The following GRIN2D variants were observed in gnomAD, a reference collection of about 807,000 sequenced individuals.
The protein encoded by GRIN2D is glutamate receptor ionotropic, NMDA 2D.
GRIN2D carries 37 observed loss-of-function variants against 103.2 expected under a neutral mutation model. The ratio of observed to expected loss-of-function variants is 0.36; its 90% confidence interval spans 0.28 to 0.47. The LOEUF (loss-of-function observed/expected upper bound fraction) is 0.47. Among genes scored for constraint, GRIN2D ranks in the 20% least tolerant of loss-of-function variants. The probability of loss-of-function intolerance (pLI) is 1.00; values close to 1 mark genes in which losing one functional copy is unlikely to be tolerated. For synonymous variants in GRIN2D, 845 were observed against 885.6 expected (o/e 0.95, Z 0.81); for missense variants, 1,557 against 1,910.6 (o/e 0.81, Z 3.45).
chr19:48,412,586 G>A (rs941845287), intron 4 of GRIN2D, among the ~76,000 whole-genome samples: 11 of 150,150 alleles, frequency 7.3e-5, no homozygotes, highest in African/African-American at 2.5e-4. Flanking sequence ...TCATGAGTTC[G>A]AGACCACCCT....
chr19:48,399,607 C>T (rs1182052479), intron 3 of GRIN2D, among the ~76,000 whole-genome samples: 1 of 152,008 alleles, frequency 6.6e-6, no homozygotes, highest in Non-Finnish European at 1.5e-5. Context: ...AAGAAAGGGG[C>T]GAAGTCTAGT....
intron 11 of GRIN2D, among the ~76,000 whole-genome samples, chr19:48,436,645 T>C (rs982628637): frequency 1.3e-5 from 2 of 152,236 alleles, no homozygotes; most frequent in Non-Finnish European, 2.9e-5. Flanking sequence ...TGGTTTGGCC[T>C]ATGCCCAGGA....
At chr19:48,431,635 A>T (rs1971156946) in intron 11 of GRIN2D, among the ~76,000 whole-genome samples, 1 of 144,244 alleles carries the variant, frequency 6.9e-6, no homozygotes, top group Non-Finnish European at 1.5e-5. Context: ...CCCAGGCTGG[A>T]GTGCAATGGC....
intron 11 of GRIN2D, among the ~76,000 whole-genome samples, chr19:48,432,156 TGCCTCA>T (rs1305847132): frequency 1.4e-5 from 2 of 145,396 alleles, no homozygotes; most frequent in Admixed American, 1.4e-4. Flanking sequence ...GTGATCCGCC[TGCCTCA>T]GCCTCCCAAA....
At chr19:48,435,020 T>C (rs1032969718) in intron 11 of GRIN2D, among the ~76,000 whole-genome samples, 1 of 152,234 alleles carries the variant, frequency 6.6e-6, no homozygotes, top group African/African-American at 2.4e-5. Flanking sequence ...TAATAATTTT[T>C]ATTGTGGATC....
At position 48,442,962 on chromosome 19, in the gene GRIN2D, C is replaced by T. The variant is rs1482308444; in HGVS notation, c.3036C>T (p.Arg1012=). 1 of 1,144,204 alleles carries T rather than the reference C, an allele frequency of 8.7e-7. No homozygotes were observed. 70.9% of individuals were successfully genotyped at this position (1,144,204 alleles called of 1,614,324 possible). The stretch of plus-strand genomic sequence containing the variant: ...CGCCCTCCTATTTCGCCATCGTACG[C>T]GACAAGGAGCCAGCCGAGCCCCCCG... ...KPPPSYFAIV[R]DKEPAEPPAG... Residue 1012 remains arginine (R), a synonymous_variant, in exon 14 of 14, where the codon CGC becomes CGT. Transcript: ENST00000263269. This position sits in a 1 kb window ranked among gnomAD's most constrained non-coding sequence, Gnocchi z 7.2.
chr19:48,413,173 A>T (rs1266453862), intron 4 of GRIN2D, among the ~76,000 whole-genome samples: 2 of 131,026 alleles, frequency 1.5e-5, no homozygotes, highest in African/African-American at 6.0e-5. Flanking sequence ...AAAACCACAC[A>T]TTAAAAAAAA....
chr19:48,405,473 C>T lies in GRIN2D; in HGVS notation c.1085+120C>T. On this transcript the variant is annotated intron_variant, in intron 4 of 13. Coordinates refer to ENST00000263269, the MANE Select transcript of GRIN2D (RefSeq NM_000836.4). The surrounding 1 kb of genome is among the most constrained non-coding windows in gnomAD (Gnocchi z 5.1). ...GCTCTTTGAGCCTCAGTTTTCTTTT[C>T]TGTAAAGTGGGTGCAATTGGGTCTC... 1.9e-6 allele frequency: 2 copies of T among 1,074,980 alleles called. No individual in the cohort carries two copies. Among genetic ancestry groups the T allele is most frequent in the South Asian group, 1.9e-5 (1 of 52,558 alleles). 66.6% of individuals were successfully genotyped at this position (1,074,980 alleles called of 1,614,324 possible). A position where few individuals can be genotyped will look rare whatever the true frequency, so the allele number is the denominator to read the frequency against.
intron 4 of GRIN2D, among the ~76,000 whole-genome samples, chr19:48,406,491 T>C (rs976252940): frequency 6.6e-6 from 1 of 152,076 alleles, no homozygotes; most frequent in African/African-American, 2.4e-5. Context: ...GAAGAGATGA[T>C]GGTTGGGGAA....
Position 48,405,192 on chromosome 19 carries a change from C to G in GRIN2D, c.924C>G (p.Arg308=). 1 of 1,601,746 alleles carries G rather than the reference C, an allele frequency of 6.2e-7. No individual in the cohort carries two copies. The highest frequency in any genetic ancestry group is 8.5e-7 in the Non-Finnish European group (1 of 1,177,074). Residue 308 remains arginine, a synonymous_variant, in exon 4 of 14, where the codon CGC becomes CGG. Transcript: ENST00000263269. This position sits in a 1 kb window ranked among gnomAD's most constrained non-coding sequence, Gnocchi z 5.1. The stretch of plus-strand genomic sequence containing the variant: ...TGCCTGCCGGGCTGTTTGCAGTGCG[C>G]TCGGCTGGCTGGCGGGATGACCTGG... ...APLPAGLFAV[R]SAGWRDDLAR...
chr19:48,442,388 G>GGGCAGAGAGGGA lies in GRIN2D; in HGVS notation c.2673+18_2673+29dup, dbSNP rs1402380141. 6.2e-7 allele frequency: 1 copy of GGGCAGAGAGGGA among 1,604,192 alleles called. No individual in the cohort carries two copies. Among genetic ancestry groups the GGGCAGAGAGGGA allele is most frequent in the Non-Finnish European group, 8.5e-7 (1 of 1,175,742 alleles). On this transcript the variant is annotated splice_region_variant and intron_variant, in intron 13 of 13. Coordinates refer to ENST00000263269, the MANE Select transcript of GRIN2D (RefSeq NM_000836.4). The surrounding 1 kb of genome is among the most constrained non-coding windows in gnomAD (Gnocchi z 7.2). ...TCCTGCTGGCCTTCTCCAGGGTATG[G>GGGCAGAGAGGGA]GGCAGAGAGGGAGGCAGAGAGGGGG...
chr19:48,443,310 C>T lies in GRIN2D; in HGVS notation c.3384C>T (p.Gly1128=), dbSNP rs1484202065. 1.3e-6 allele frequency: 2 copies of T among 1,532,774 alleles called. No homozygotes were observed. Among genetic ancestry groups the T allele is most frequent in the East Asian group, 2.7e-5 (1 of 37,112 alleles). 94.9% of individuals were successfully genotyped at this position (1,532,774 alleles called of 1,614,324 possible). A position where few individuals can be genotyped will look rare whatever the true frequency, so the allele number is the denominator to read the frequency against. Residue 1128 remains glycine, a synonymous_variant, in exon 14 of 14, where the codon GGC becomes GGT. Transcript: ENST00000263269. This position sits in a 1 kb window ranked among gnomAD's most constrained non-coding sequence, Gnocchi z 8.9. ...SESLGGASLG[G]LEPWWFADFP... is the part of the protein sequence containing the mutation. ...GCCTGGGCGGCGCGTCGCTGGGCGG[C>T]CTGGAGCCCTGGTGGTTCGCCGACT... is the stretch of plus-strand genomic sequence containing the variant.
chr19:48,417,532 G>A (rs1750249203), intron 8 of GRIN2D, among the ~76,000 whole-genome samples: 1 of 152,192 alleles, frequency 6.6e-6, no homozygotes, highest in African/African-American at 2.4e-5. Flanking sequence ...GAGGGGAGGG[G>A]CTGGAAGAAG....
At chr19:48,407,753 A>C (rs772685370) in intron 4 of GRIN2D, among the ~76,000 whole-genome samples, 4 of 152,260 alleles carry the variant, frequency 2.6e-5, no homozygotes, top group Non-Finnish European at 5.9e-5. Context: ...TGAGCAAATA[A>C]GTAAAGAAAA....
chr19:48,424,877 C>T (rs1392694177), intron 11 of GRIN2D, among the ~76,000 whole-genome samples: 2 of 152,182 alleles, frequency 1.3e-5, no homozygotes, highest in African/African-American at 4.8e-5. Context: ...CCCCCCAGGA[C>T]CCTGGGACTT....
chr19:48,422,581 A>T (rs2097627459), intron 11 of GRIN2D, among the ~76,000 whole-genome samples: 1 of 151,834 alleles, frequency 6.6e-6, no homozygotes, highest in South Asian at 2.1e-4. Flanking sequence ...ACTGCACTCC[A>T]GCCTGGCGAC....
intron 3 of GRIN2D, 79 bp from the exon 4 acceptor site, chr19:48,404,655 A>G: frequency 7.2e-7 from 1 of 1,382,998 alleles, no homozygotes; most frequent in Non-Finnish European, 9.8e-7. Flanking sequence ...CCATATTGGG[A>G]GCTGTGGTCC....
intron 9 of GRIN2D, 52 bp from the exon 10 acceptor site, chr19:48,419,529 CCCTT>C (rs1177785671): frequency 1.5e-6 from 2 of 1,349,898 alleles, no homozygotes; most frequent in Non-Finnish European, 2.1e-6. Context: ...TTTTTTTTTT[CCCTT>C]CCTTATTGAG....
At position 48,414,134 on chromosome 19, in the gene GRIN2D, G is replaced by C. The variant is rs1970912661; in HGVS notation, c.1200+29G>C. The stretch of plus-strand genomic sequence containing the variant: ...AGTCGTAGCCCCAGACCTCAGGCAT[G>C]GCAGAGGGTGTGGACTCCTGCATCC... On this transcript the variant is annotated intron_variant, in intron 5 of 13. Transcript: ENST00000263269. This position sits in a 1 kb window ranked among gnomAD's most constrained non-coding sequence, Gnocchi z 4.6. 1 of 1,343,064 alleles carries C rather than the reference G, an allele frequency of 7.4e-7. No homozygotes were observed. The highest frequency in any genetic ancestry group is 1.1e-6 in the Non-Finnish European group (1 of 934,402). 83.2% of individuals were successfully genotyped at this position (1,343,064 alleles called of 1,614,324 possible).
Sources: gnomAD v4.1 joint callset for allele counts (sites outside exome capture counted in the v4.1 genomes callset) on GRCh38, gnomAD v4.1.1 for gene constraint, Gnocchi (gnomAD v3.1) non-coding constraint, MANE v1.5 for transcripts, NCBI Gene and HGNC (gene_info 2026-07-23, HGNC 2026-07-21) for gene names.